The following FRMD4A variants were observed in gnomAD, a reference collection of about 807,000 sequenced individuals.
FRMD4A encodes the protein FERM domain-containing protein 4A.
A neutral mutation model predicts 129.1 loss-of-function variants in FRMD4A; 29 were observed. The ratio of observed to expected loss-of-function variants is 0.22; its 90% CI spans 0.17 to 0.31. The LOEUF is 0.31. Ranked by LOEUF, FRMD4A falls within the 10% of genes least tolerant of loss-of-function variation. The pLI is 1.00. For missense variants in FRMD4A, 1,272 were observed against 1,375.8 expected, an observed-to-expected ratio of 0.92 and a Z score of 1.19; for synonymous variants, 634 against 571.6, an observed-to-expected ratio of 1.11 and a Z score of -1.56.
intron 6 of FRMD4A, among the ~76,000 whole-genome samples, chr10:13,771,997 G>C (rs1383902501): frequency 6.6e-6 from 1 of 151,344 alleles, no homozygotes; most frequent in Non-Finnish European, 1.5e-5. Context: ...GCCCATAGTA[G>C]TCCCAGCTAC....
rs75883812 is a variant in FRMD4A, at chr10:14,041,593, G to A, written c.46-182681C>T. Among the ~76,000 whole-genome samples, 1,674 of 152,250 alleles carry A rather than the reference G, an allele frequency of 0.011. 60 individuals carry two copies. The East Asian group carries it at 0.11, about 10-fold the overall frequency. Reference sequence around the variant, plus strand: ...GATGAGTCCATATGAGCCCCAAAAGGCGTGACCAGGGATTTTCATAGCAGG... The same window carrying A: ...GATGAGTCCATATGAGCCCCAAAAGACGTGACCAGGGATTTTCATAGCAGG... On this transcript the variant is annotated intron_variant, in intron 2 of 24. Coordinates refer to ENST00000357447, the MANE Select transcript of FRMD4A (RefSeq NM_018027.5).
At chr10:14,042,766 C>T (rs1833829399) in intron 2 of FRMD4A, among the ~76,000 whole-genome samples, 1 of 151,424 alleles carries the variant, frequency 6.6e-6, no homozygotes, top group South Asian at 2.1e-4. Context: ...AGTTTGAGAC[C>T]AGCCTGGCCA....
chr10:14,218,671 A>G (rs945874176), intron 2 of FRMD4A, among the ~76,000 whole-genome samples: 1 of 152,154 alleles, frequency 6.6e-6, no homozygotes, highest in Non-Finnish European at 1.5e-5. Context: ...TCCCTCCCAC[A>G]TGTGGGAATT....
chr10:13,762,519 G>A (rs879242148), intron 7 of FRMD4A, 105 bp downstream of exon 7: 35 of 693,334 alleles, frequency 5.0e-5, no homozygotes, highest in Non-Finnish European at 8.2e-5. Flanking sequence ...AAGGTAAGAC[G>A]ACAAATAGTG....
At chr10:13,906,322 A>T (rs1370217714) in intron 2 of FRMD4A, among the ~76,000 whole-genome samples, 2 of 152,140 alleles carry the variant, frequency 1.3e-5, no homozygotes, top group Non-Finnish European at 2.9e-5. Context: ...ACAGAGTGCA[A>T]TAACACAGTG....
At chr10:13,788,096 A>G (rs995700227) in intron 5 of FRMD4A, among the ~76,000 whole-genome samples, 1 of 152,158 alleles carries the variant, frequency 6.6e-6, no homozygotes, top group African/African-American at 2.4e-5. Flanking sequence ...TGTATTGACC[A>G]TGGCTTTATG....
At chr10:14,261,987 C>CACACACACACACACA (rs3222480) in intron 2 of FRMD4A, among the ~76,000 whole-genome samples, 1 of 146,100 alleles carries the variant, frequency 6.8e-6, no homozygotes, top group African/African-American at 2.5e-5. Flanking sequence ...CACACACACA[C>CACACACACACACACA]CTCATTTTCC....
intron 12 of FRMD4A, among the ~76,000 whole-genome samples, chr10:13,717,127 C>G (rs2088886797): frequency 6.6e-6 from 1 of 152,112 alleles, no homozygotes; most frequent in Non-Finnish European, 1.5e-5. Context: ...TCTCTGTGCT[C>G]CAGTCTTTCC....
intron 12 of FRMD4A, among the ~76,000 whole-genome samples, chr10:13,731,348 A>G (rs1483006127): frequency 6.6e-6 from 1 of 152,098 alleles, no homozygotes; most frequent in African/African-American, 2.4e-5. Context: ...TTAATGTCCT[A>G]TAAAAAATTC....
At chr10:14,040,128 G>A (rs1362946048) in intron 2 of FRMD4A, among the ~76,000 whole-genome samples, 3 of 152,140 alleles carry the variant, frequency 2.0e-5, no homozygotes, top group Non-Finnish European at 4.4e-5. Context: ...GAGAGGTTAA[G>A]TCACTGGCTC....
At chr10:14,132,385 A>G (rs1442940815) in intron 2 of FRMD4A, among the ~76,000 whole-genome samples, 2 of 152,204 alleles carry the variant, frequency 1.3e-5, no homozygotes, top group African/African-American at 4.8e-5. Context: ...AACAACCAGA[A>G]TGAGAAGTAT....
At chr10:14,068,055 G>C (rs1403178325) in intron 2 of FRMD4A, among the ~76,000 whole-genome samples, 1 of 152,184 alleles carries the variant, frequency 6.6e-6, no homozygotes, top group Non-Finnish European at 1.5e-5. Context: ...CAGTAGAAGT[G>C]TATTTTATTA....
chr10:13,815,649 C>T (rs1439173577), intron 3 of FRMD4A, among the ~76,000 whole-genome samples: 2 of 152,198 alleles, frequency 1.3e-5, no homozygotes, highest in African/African-American at 2.4e-5. Context: ...TGCCACTCTA[C>T]CTCTGTTGAC....
intron 15 of FRMD4A, chr10:13,684,599 T>TC (rs779369351): frequency 3.9e-5 from 38 of 985,152 alleles, no homozygotes; most frequent in African/African-American, 5.2e-5. Flanking sequence ...CCAGAAATGC[T>TC]CCAATTGTTC....
intron 3 of FRMD4A, 136 bp downstream of exon 3, chr10:13,858,711 C>T (rs1037920216): frequency 1.4e-6 from 1 of 709,802 alleles, no homozygotes; most frequent in African/African-American, 1.7e-5. Context: ...CCTGGTGGGT[C>T]CTAGTCATTC....
At chr10:14,250,310 A>G (rs919242883) in intron 2 of FRMD4A, among the ~76,000 whole-genome samples, 1 of 152,218 alleles carries the variant, frequency 6.6e-6, no homozygotes, top group Non-Finnish European at 1.5e-5. Context: ...GCCCATTTCA[A>G]AGGAATAACT....
chr10:13,933,021 CG>C (rs2095215090), intron 2 of FRMD4A, among the ~76,000 whole-genome samples: 1 of 151,944 alleles, frequency 6.6e-6, no homozygotes, highest in South Asian at 2.1e-4. Context: ...ATTAGTCAGG[CG>C]TGGTGGCAGT....
intron 2 of FRMD4A, among the ~76,000 whole-genome samples, chr10:13,973,629 C>T (rs189950612): frequency 3.6e-4 from 55 of 152,000 alleles, no homozygotes; most frequent in African/African-American, 1.3e-3. Flanking sequence ...GTGGGTACTA[C>T]AGAATCTTGC....
chr10:13,738,639 G>C (rs1005878157), intron 11 of FRMD4A, among the ~76,000 whole-genome samples: 7 of 146,146 alleles, frequency 4.8e-5, no homozygotes, highest in Admixed American at 6.9e-5. Context: ...CTTTTTTTTT[G>C]AGATGGAGTC....
Sources: allele counts gnomAD v4.1 joint callset (sites outside exome capture counted in the v4.1 genomes callset), GRCh38; gene constraint gnomAD v4.1.1; transcripts MANE v1.5; gene names NCBI Gene and HGNC (gene_info 2026-07-23, HGNC 2026-07-21).